AP5M1: variants seen among roughly 807,000 people sequenced by gnomAD.
AP5M1 encodes the protein adaptor related protein complex 5 subunit mu 1.
AP5M1 carries 44 observed loss-of-function variants against 52.3 expected under a neutral mutation model. That is an observed-to-expected ratio of 0.84 (90% CI 0.66 to 1.08). The LOEUF (loss-of-function observed/expected upper bound fraction) is 1.08. Among genes scored for constraint, AP5M1 ranks in the 50% least tolerant of loss-of-function variants. The pLI is 0.00. For missense variants in AP5M1, 526 were observed against 568.4 expected (o/e 0.93, Z 0.76); for synonymous variants, 213 against 199.0 (o/e 1.07, Z -0.59).
At chr14:57,276,404 T>G (rs1387426331) in intron 2 of AP5M1, among the ~76,000 whole-genome samples, 1 of 152,042 alleles carries the variant, frequency 6.6e-6, no homozygotes, top group Non-Finnish European at 1.5e-5. Context: ...GGCGAAACCC[T>G]GTCTCTACTA....
rs117001330 is a variant in AP5M1 at position 57,285,722 on chromosome 14, A to G, written c.1294-501A>G. ...TAAATTATATTTTATTAGAAGGTGT[A>G]TACTTTCCTGCCTGTAAAAGACTTA... On this transcript the variant is annotated intron_variant, in intron 6 of 7. Transcript: ENST00000261558. 9.3e-3 allele frequency among the ~76,000 whole-genome samples: 1,413 copies of G among 152,284 alleles called. 11 individuals are homozygous for G. Among genetic ancestry groups the G allele is most frequent in the Middle Eastern group, 0.017 (5 of 294 alleles).
intron 2 of AP5M1, chr14:57,278,598 A>T (rs936605421): frequency 6.6e-6 from 1 of 152,246 alleles, no homozygotes; most frequent in Non-Finnish European, 1.5e-5. Context: ...GGGCTTCTCT[A>T]CATAGCAAAG....
rs745371920 is a variant in AP5M1, at chr14:57,269,048, AT to A, written c.-266del. 82 of 555,066 alleles carry A rather than the reference AT, an allele frequency of 1.5e-4. No individual in the cohort carries two copies. Among genetic ancestry groups the A allele is most frequent in the Non-Finnish European group, 2.3e-4 (72 of 318,156 alleles). 34.4% of individuals were successfully genotyped at this position (555,066 alleles called of 1,614,324 possible). ...CGGAAGTAGAATTTAGAGGAAGAAA[AT>A]ACCGGAGTTGCAGGGTATAGGTAAA... On this transcript the variant is annotated 5_prime_UTR_variant, in exon 1 of 8. Coordinates refer to ENST00000261558, the MANE Select transcript of AP5M1 (RefSeq NM_018229.4).
intron 1 of AP5M1, 58 bp from the exon 2 acceptor site, chr14:57,274,182 ATTCT>A: frequency 6.6e-7 from 1 of 1,506,716 alleles, no homozygotes; most frequent in South Asian, 1.4e-5. Context: ...TTTTAAAAAA[ATTCT>A]TTCATCTTGA....
intron 1 of AP5M1, among the ~76,000 whole-genome samples, chr14:57,270,935 G>A (rs1282240279): frequency 6.6e-6 from 1 of 152,192 alleles, no homozygotes; most frequent in Non-Finnish European, 1.5e-5. Flanking sequence ...AATTCTCTAT[G>A]ATGATGGAAA....
intron 4 of AP5M1, among the ~76,000 whole-genome samples, 185 bp downstream of exon 4, chr14:57,282,413 A>G (rs1456912278): frequency 6.6e-6 from 1 of 152,138 alleles, no homozygotes; most frequent in East Asian, 1.9e-4. Context: ...ATATGCCTTT[A>G]TCTTTCTAGT....
intron 1 of AP5M1, 82 bp downstream of exon 1, chr14:57,269,470 G>A: frequency 7.1e-7 from 1 of 1,410,192 alleles, no homozygotes; most frequent in Non-Finnish European, 1.0e-6. Context: ...TCGTGGCCCA[G>A]GTTTGCCACG....
In AP5M1 at chr14:57,296,635, G is replaced by C. The variant is rs765601185; in HGVS notation, c.*7751G>C. 8 of 151,948 alleles carry C rather than the reference G, an allele frequency of 5.3e-5. No homozygotes were observed. Among genetic ancestry groups the C allele is most frequent in the Non-Finnish European group, 8.8e-5 (6 of 67,946 alleles). The allele number at this position is 151,948 out of a possible 1,614,324, so 9.4% of individuals were successfully genotyped here. ...AGGACTTTTTAATATGAATAACAGTGGTCTCGTGCCATAAGTATTTCTCTC... is the reference window on the plus strand; with the variant it reads ...AGGACTTTTTAATATGAATAACAGTCGTCTCGTGCCATAAGTATTTCTCTC... On this transcript the variant is annotated 3_prime_UTR_variant, in exon 8 of 8. Coordinates refer to ENST00000261558, the MANE Select transcript of AP5M1 (RefSeq NM_018229.4).
chr14:57,284,091 C>A (rs1885249910), intron 6 of AP5M1, among the ~76,000 whole-genome samples: 1 of 152,134 alleles, frequency 6.6e-6, no homozygotes, highest in Non-Finnish European at 1.5e-5. Flanking sequence ...GTGCTAACAG[C>A]TTTGGTATTT....
At chr14:57,283,740 C>T (rs1188538666) in intron 6 of AP5M1, among the ~76,000 whole-genome samples, 3 of 152,174 alleles carry the variant, frequency 2.0e-5, no homozygotes, top group Admixed American at 6.5e-5. Flanking sequence ...AATCCCAGCA[C>T]TTTGGGAGGC....
chr14:57,286,957 T>C (rs1459058153), intron 7 of AP5M1, among the ~76,000 whole-genome samples: 3 of 151,312 alleles, frequency 2.0e-5, no homozygotes, highest in Non-Finnish European at 4.4e-5. Context: ...TGTTTAATGG[T>C]TGGTAAAGTA....
intron 6 of AP5M1, among the ~76,000 whole-genome samples, chr14:57,285,185 T>C (rs1885278013): frequency 6.6e-6 from 1 of 152,208 alleles, no homozygotes; most frequent in Non-Finnish European, 1.5e-5. Context: ...AGTATACTGA[T>C]GATAATTCAT....
rs1476026101 is a variant in AP5M1, at chr14:57,274,331, A to G, written c.162A>G (p.Ala54=). ...CTGAAGATGGTCCCTTTCTTAAAGC[A>G]CTGCTCTTTGAACTTAGATTATTGG... The part of the protein sequence containing the change: ...PVPEDGPFLK[A]LLFELRLLDD... Residue 54 remains alanine (A), a synonymous_variant, in exon 2 of 8, where the codon GCA becomes GCG. Transcript: ENST00000261558. The G allele has an allele frequency of 1.7e-5, 28 of 1,614,070 alleles. No homozygotes were observed. Among genetic ancestry groups the G allele is most frequent in the Non-Finnish European group, 2.3e-5 (27 of 1,180,036 alleles).
chr14:57,274,238 A>G lies in AP5M1; in HGVS notation c.75-6A>G. 6.3e-7 allele frequency: 1 copy of G among 1,582,422 alleles called. No homozygotes were observed. The highest frequency in any genetic ancestry group is 8.6e-7 in the Non-Finnish European group (1 of 1,165,844). On this transcript the variant is annotated splice_polypyrimidine_tract_variant and splice_region_variant and intron_variant, in intron 1 of 7. Transcript: ENST00000261558. ...CATTTATAATGTTTCTGTTTCCGTA[A>G]TGCAGACGGTATCCAACTGTTGAAA...
intron 1 of AP5M1, among the ~76,000 whole-genome samples, chr14:57,270,588 C>G (rs1442662486): frequency 1.3e-5 from 2 of 152,188 alleles, no homozygotes; most frequent in Non-Finnish European, 2.9e-5. Flanking sequence ...TTCTGGCTGA[C>G]ACTAACCCCA....
rs1289916668 is a variant in AP5M1 at position 57,283,075 on chromosome 14, T to C, written c.1175-37T>C. The C allele has an allele frequency of 1.9e-6, 3 of 1,576,362 alleles. No homozygotes were observed. In the African/African-American group the frequency reaches 4.1e-5, roughly 22 times the overall value. ...CTTTTCATTTACTGTAGAATCTACTTAATTTAGAATTGTTTATTGGTATAT... is the reference window on the plus strand; with the variant it reads ...CTTTTCATTTACTGTAGAATCTACTCAATTTAGAATTGTTTATTGGTATAT... On this transcript the variant is annotated intron_variant, in intron 5 of 7. Coordinates refer to ENST00000261558, the MANE Select transcript of AP5M1 (RefSeq NM_018229.4).
Position 57,288,961 on chromosome 14 carries a change from G to A in AP5M1, c.*77G>A. 2.4e-6 allele frequency: 2 copies of A among 829,304 alleles called. No homozygotes were observed. Among genetic ancestry groups the A allele is most frequent in the South Asian group, 1.7e-5 (1 of 58,446 alleles). The allele number at this position is 829,304 out of a possible 1,614,324, so 51.4% of individuals were successfully genotyped here. On this transcript the variant is annotated 3_prime_UTR_variant, in exon 8 of 8. Coordinates refer to ENST00000261558, the MANE Select transcript of AP5M1 (RefSeq NM_018229.4). ...ATAATCTTATATTTTTAATGTGGAT[G>A]CATATAACCTGTGAGTGAAAAATCA...
At position 57,292,934 on chromosome 14, in the gene AP5M1, A is replaced by C. The variant is rs752215413; in HGVS notation, c.*4050A>C. ...AGGAGCTTCTTGTGTTTCCATTATA[A>C]GAATAATTGCATTCATTTTCAGAAT... On this transcript the variant is annotated 3_prime_UTR_variant, in exon 8 of 8. Coordinates refer to ENST00000261558, the MANE Select transcript of AP5M1 (RefSeq NM_018229.4). The C allele has an allele frequency of 6.6e-6, 1 of 151,664 alleles. No individual in the cohort carries two copies. The highest frequency in any genetic ancestry group is 1.5e-5 in the Non-Finnish European group (1 of 67,738). 9.4% of individuals were successfully genotyped at this position (151,664 alleles called of 1,614,324 possible). A position where few individuals can be genotyped will look rare whatever the true frequency, so the allele number is the denominator to read the frequency against.
At chr14:57,278,032 T>C (rs1489570947) in intron 2 of AP5M1, among the ~76,000 whole-genome samples, 1 of 152,136 alleles carries the variant, frequency 6.6e-6, no homozygotes, top group Non-Finnish European at 1.5e-5. Flanking sequence ...ACAGAAGATA[T>C]CAATAATTCT....
Sources: allele counts gnomAD v4.1 joint callset (sites outside exome capture counted in the v4.1 genomes callset), GRCh38; gene constraint gnomAD v4.1.1; transcripts MANE v1.5; gene names NCBI Gene and HGNC (gene_info 2026-07-23, HGNC 2026-07-21).